The following CMIP variants were observed in gnomAD, a reference collection of about 807,000 sequenced individuals.
The protein encoded by CMIP is c-Maf inducing protein, also known as C-Maf-inducing protein.
In CMIP, 13 loss-of-function variants were observed where a neutral mutation model predicts 97.3. That is an observed-to-expected ratio of 0.13 (90% CI 0.09 to 0.21). The LOEUF (loss-of-function observed/expected upper bound fraction) is 0.21. Among genes scored for constraint, CMIP ranks in the 10% least tolerant of loss-of-function variants. The pLI is 1.00. For synonymous variants in CMIP, 538 were observed against 436.3 expected (o/e 1.23, Z -2.91); for missense variants, 847 against 1,024.9 (o/e 0.83, Z 2.37).
rs2092475683 is a variant in CMIP, at chr16:81,655,856, A to C, written c.640-1919A>C. 6.6e-6 allele frequency among the ~76,000 whole-genome samples: 1 copy of C among 152,180 alleles called. No individual in the cohort carries two copies. The highest frequency in any genetic ancestry group is 2.1e-4 in the South Asian group (1 of 4,820). ...TCAGTCTTAGGCAGCTGATCAGTCA[A>C]TGGGATAGTAGAGAACCTGTCATAA... is the stretch of plus-strand genomic sequence containing the variant. On this transcript the variant is annotated intron_variant, in intron 4 of 20. Transcript: ENST00000537098. The surrounding 1 kb of genome is among the most constrained non-coding windows in gnomAD (Gnocchi z 4.9).
chr16:81,666,139 T>C (rs1054321254), intron 7 of CMIP: 2 of 152,240 alleles, frequency 1.3e-5, no homozygotes, highest in Non-Finnish European at 2.9e-5. Context: ...GGAGGAGCTC[T>C]TTCTGGCTTT....
intron 1 of CMIP, among the ~76,000 whole-genome samples, chr16:81,564,170 A>G (rs78934985): frequency 6.6e-6 from 1 of 152,344 alleles, no homozygotes; most frequent in Non-Finnish European, 1.5e-5. Context: ...TACACCTGCC[A>G]GGGGAGAAAA....
chr16:81,596,904 T>C (rs1309862648), intron 1 of CMIP, among the ~76,000 whole-genome samples: 1 of 152,262 alleles, frequency 6.6e-6, no homozygotes, highest in Non-Finnish European at 1.5e-5. Context: ...CATGGTGATG[T>C]ACATTGATGA....
At chr16:81,471,230 A>G (rs1253227855) in intron 1 of CMIP, among the ~76,000 whole-genome samples, 1 of 152,234 alleles carries the variant, frequency 6.6e-6, no homozygotes, top group Non-Finnish European at 1.5e-5. Flanking sequence ...GTACACATAC[A>G]TGCACACATA....
At chr16:81,659,489 A>G (rs543114664) in intron 5 of CMIP, among the ~76,000 whole-genome samples, 8 of 152,314 alleles carry the variant, frequency 5.3e-5, no homozygotes, top group African/African-American at 1.4e-4. Flanking sequence ...AATGTCAGGT[A>G]AACGGAGCAA....
At chr16:81,633,996 C>T (rs2092201291) in intron 3 of CMIP, among the ~76,000 whole-genome samples, 1 of 152,256 alleles carries the variant, frequency 6.6e-6, no homozygotes, top group Admixed American at 6.5e-5. Flanking sequence ...CCTGGCACTG[C>T]AGACCCAGGG....
At chr16:81,666,677 C>T (rs1042032838) in intron 7 of CMIP, 1 of 152,170 alleles carries the variant, frequency 6.6e-6, no homozygotes, top group East Asian at 1.9e-4. Context: ...CTTTAACGCA[C>T]CCAGATCCCA....
chr16:81,552,962 G>T (rs561562424), intron 1 of CMIP, among the ~76,000 whole-genome samples: 1 of 152,348 alleles, frequency 6.6e-6, no homozygotes, highest in African/African-American at 2.4e-5. Flanking sequence ...CAGTGCAGGG[G>T]GTTTGGGAGT....
At chr16:81,648,697 C>T (rs554068451) in intron 3 of CMIP, among the ~76,000 whole-genome samples, 13 of 141,330 alleles carry the variant, frequency 9.2e-5, no homozygotes, top group Admixed American at 9.1e-4. Flanking sequence ...GCAGGAGAAT[C>T]ACTTGAACCT....
chr16:81,568,476 C>G (rs907695736), intron 1 of CMIP, among the ~76,000 whole-genome samples: 10 of 152,176 alleles, frequency 6.6e-5, no homozygotes, highest in Non-Finnish European at 1.2e-4. Context: ...GGCAAGGGCA[C>G]CGTGCCTCGG....
intron 1 of CMIP, among the ~76,000 whole-genome samples, chr16:81,452,616 G>A (rs1324990987): frequency 2.0e-5 from 3 of 152,102 alleles, no homozygotes; most frequent in Admixed American, 1.3e-4. Flanking sequence ...GGGGAAGAGC[G>A]TTCCAGGTAG....
At chr16:81,531,986 G>T (rs1042711122) in intron 1 of CMIP, among the ~76,000 whole-genome samples, 8 of 152,162 alleles carry the variant, frequency 5.3e-5, no homozygotes, top group Non-Finnish European at 1.2e-4. Flanking sequence ...ACTGTCCTGC[G>T]ATTTGATAGC....
chr16:81,587,759 A>G (rs2091405888), intron 1 of CMIP, among the ~76,000 whole-genome samples: 1 of 152,062 alleles, frequency 6.6e-6, no homozygotes, highest in African/African-American at 2.4e-5. Context: ...CAGGGAGCAG[A>G]TTTTTCATGG....
intron 3 of CMIP, among the ~76,000 whole-genome samples, chr16:81,636,202 C>G (rs1036112767): frequency 2.0e-5 from 3 of 152,050 alleles, no homozygotes; most frequent in Admixed American, 6.6e-5. Context: ...AAAGAACATG[C>G]ACTTGAAAAA....
chr16:81,557,460 G>A (rs564360967), intron 1 of CMIP, among the ~76,000 whole-genome samples: 2 of 152,122 alleles, frequency 1.3e-5, no homozygotes, highest in African/African-American at 4.8e-5. Flanking sequence ...ATAGTTGTAT[G>A]TATTACATAT....
intron 1 of CMIP, among the ~76,000 whole-genome samples, chr16:81,515,052 C>T (rs1338526006): frequency 1.3e-5 from 2 of 152,224 alleles, no homozygotes; most frequent in African/African-American, 4.8e-5. Flanking sequence ...GAGCTGGAGA[C>T]TGAGGCCAGG....
chr16:81,689,812 A>G (rs1471892281), intron 10 of CMIP, among the ~76,000 whole-genome samples: 2 of 152,332 alleles, frequency 1.3e-5, no homozygotes, highest in South Asian at 2.1e-4. Flanking sequence ...TCTTTAATCC[A>G]TCTTGAATTA....
intron 1 of CMIP, among the ~76,000 whole-genome samples, chr16:81,580,699 C>G (rs113590733): frequency 0.08 from 12,137 of 151,636 alleles, 1,073 homozygotes; most frequent in African/African-American, 0.22. Flanking sequence ...GCCTCCCAAA[C>G]TGCTGGGATT....
intron 1 of CMIP, among the ~76,000 whole-genome samples, chr16:81,523,882 C>T (rs1294990027): frequency 1.3e-5 from 2 of 152,252 alleles, no homozygotes; most frequent in African/African-American, 2.4e-5. Context: ...TCCCTCCAAA[C>T]GTCAAGGCGT....
Sources: gnomAD v4.1 joint callset for allele counts (sites outside exome capture counted in the v4.1 genomes callset) on GRCh38, gnomAD v4.1.1 for gene constraint, Gnocchi (gnomAD v3.1) non-coding constraint, MANE v1.5 for transcripts, NCBI Gene and HGNC (gene_info 2026-07-23, HGNC 2026-07-21) for gene names.